NR1H3: variants seen among roughly 807,000 people sequenced by gnomAD.
NR1H3 encodes oxysterols receptor LXR-alpha.
NR1H3 carries 19 observed loss-of-function variants against 48.1 expected under a neutral mutation model. The ratio of observed to expected loss-of-function variants is 0.40; its 90% CI spans 0.28 to 0.58. The LOEUF (loss-of-function observed/expected upper bound fraction) is 0.58. NR1H3 is among the 20% of genes least tolerant of loss of function. NR1H3 has a pLI of 0.50. For missense variants in NR1H3, 486 were observed against 595.9 expected (o/e 0.82, Z 1.92); for synonymous variants, 232 against 227.3 (o/e 1.02, Z -0.19).
At chr11:47,249,917 C>A (rs1312440354) in intron 1 of NR1H3, among the ~76,000 whole-genome samples, 1 of 150,030 alleles carries the variant, frequency 6.7e-6, no homozygotes, top group Non-Finnish European at 1.5e-5. Flanking sequence ...CGTGGCGAAA[C>A]CCCGTCTCTA....
At chr11:47,255,617 CTTTCTTTCTTTCTT>C (rs750040571), upstream of NR1H3, among the ~76,000 whole-genome samples, 642 of 76,860 alleles carry the variant, frequency 8.4e-3, 5 homozygotes, top group South Asian at 0.013. Context: ...CTCTCTCTCT[CTTTCTTTCTTTCTT>C]TCTTTCTTTC....
chr11:47,255,581 CTTTCTTTCTT>C (rs752911941), upstream of NR1H3, among the ~76,000 whole-genome samples: 85 of 90,600 alleles, frequency 9.4e-4, no homozygotes, highest in East Asian at 2.7e-3. Context: ...TTCTTTCTTT[CTTTCTTTCTT>C]TCTTTCTCTC....
chr11:47,253,912 T>C (rs1481737390), upstream of NR1H3, among the ~76,000 whole-genome samples: 1 of 152,084 alleles, frequency 6.6e-6, no homozygotes, highest in African/African-American at 2.4e-5. Flanking sequence ...AGTGGGAACA[T>C]GATTCCAGCT....
At chr11:47,249,529 A>G (rs1178184907) in intron 1 of NR1H3, among the ~76,000 whole-genome samples, 1 of 152,220 alleles carries the variant, frequency 6.6e-6, no homozygotes, top group Non-Finnish European at 1.5e-5. Context: ...ACAAACCCAA[A>G]GCACTGAATC....
Position 47,268,880 on chromosome 11 carries a change from C to T in NR1H3, c.*184C>T. 1.5e-6 allele frequency: 1 copy of T among 674,956 alleles called. No individual in the cohort carries two copies. Among genetic ancestry groups the T allele is most frequent in the East Asian group, 2.8e-5 (1 of 35,940 alleles). The allele number at this position is 674,956 out of a possible 1,614,324, so 41.8% of individuals were successfully genotyped here. On this transcript the variant is annotated 3_prime_UTR_variant, in exon 10 of 10. Transcript: ENST00000441012. ...TGTGGCTACTGAGCAGTGGAGCCCT[C>T]GCTAACACTGTGCTGTGTCTGAAGA...
intron 7 of NR1H3, among the ~76,000 whole-genome samples, chr11:47,263,930 T>G (rs1956194855): frequency 6.6e-6 from 1 of 152,146 alleles, no homozygotes; most frequent in East Asian, 1.9e-4. Context: ...CAATTGCACT[T>G]TCTGACGAAC....
upstream of NR1H3, among the ~76,000 whole-genome samples, chr11:47,257,196 T>C (rs978676455): frequency 4.6e-5 from 7 of 151,942 alleles, no homozygotes; most frequent in African/African-American, 1.5e-4. Context: ...GGCAGCAGAG[T>C]AGGAAGAATG....
intron 7 of NR1H3, among the ~76,000 whole-genome samples, chr11:47,267,131 A>C (rs1956570807): frequency 6.6e-6 from 1 of 151,768 alleles, no homozygotes; most frequent in African/African-American, 2.4e-5. Flanking sequence ...ACATGGTGAA[A>C]TCCTGTCACA....
At chr11:47,253,207 G>C (rs556294180), upstream of NR1H3, among the ~76,000 whole-genome samples, 24 of 149,724 alleles carry the variant, frequency 1.6e-4, no homozygotes, top group Middle Eastern at 3.4e-3. Context: ...GGACTCAAGC[G>C]ATCTGCCCTT....
upstream of NR1H3, chr11:47,248,741 G>A (rs912704849): frequency 3.1e-6 from 5 of 1,609,388 alleles, no homozygotes; most frequent in East Asian, 4.5e-5. Flanking sequence ...ACGCCGAGAA[G>A]GAGCTGGAGG....
chr11:47,254,150 AC>A (rs1954884538), upstream of NR1H3, among the ~76,000 whole-genome samples: 1 of 151,782 alleles, frequency 6.6e-6, no homozygotes, highest in African/African-American at 2.4e-5. Context: ...TAGCCTGCCC[AC>A]CCCCACTCCC....
In NR1H3 at chr11:47,259,921, G is replaced by A; in HGVS notation, c.174G>A (p.Leu58=). ...HSAGGTAGVG[L]EAAEPTALLT... Reference sequence around the variant, plus strand: ...CTGGGGGTACTGCAGGGGTGGGGCTGGAGGCTGCAGAGCCCACAGCCCTGC... The same window carrying A: ...CTGGGGGTACTGCAGGGGTGGGGCTAGAGGCTGCAGAGCCCACAGCCCTGC... The change falls in exon 3 of 10, where the codon CTG becomes CTA. Residue 58 remains leucine, a synonymous_variant. Transcript: ENST00000441012. The A allele has an allele frequency of 3.7e-6, 6 of 1,606,860 alleles. 1 individual carries two copies. Among genetic ancestry groups the A allele is most frequent in the East Asian group, 2.2e-5 (1 of 44,814 alleles).
Position 47,268,372 on chromosome 11 carries a change from T to A in NR1H3, c.1197+17T>A. The A allele has an allele frequency of 6.2e-7, 1 of 1,611,094 alleles. No homozygotes were observed. The highest frequency in any genetic ancestry group is 8.5e-7 in the Non-Finnish European group (1 of 1,177,264). ...CATCCCCATGTGAGTCTCCCCATGG[T>A]GTTCCTTTTCCTCCTTCCCACACAC... On this transcript the variant is annotated intron_variant, in intron 9 of 9. Transcript: ENST00000441012.
chr11:47,259,757 T>C, intron 2 of NR1H3, 34 bp from the exon 3 acceptor site: 2 of 1,610,506 alleles, frequency 1.2e-6, no homozygotes, highest in Non-Finnish European at 1.7e-6. Flanking sequence ...GGATGGGGCC[T>C]GAGACCCCCT....
At chr11:47,259,382 T>C (rs1309211191) in intron 2 of NR1H3, 123 bp downstream of exon 2, 2 of 1,597,492 alleles carry the variant, frequency 1.3e-6, no homozygotes, top group East Asian at 2.3e-5. Context: ...GAGTCATTCT[T>C]AGTCGTGCTT....
rs749883565 is a variant in NR1H3 at position 47,261,392 on chromosome 11, C to T, written c.651C>T (p.Leu217=). ...AACAACTGGGCATGATCGAGAAGCT[C>T]GTCGCTGCCCAGCAACAGTGTAACC... ...SPEQLGMIEK[L]VAAQQQCNRR... The change falls in exon 5 of 10, where the codon CTC becomes CTT. Residue 217 remains leucine (L), a synonymous_variant. Coordinates refer to ENST00000441012, the MANE Select transcript of NR1H3 (RefSeq NM_005693.4). 20 of 1,614,038 alleles carry T rather than the reference C, an allele frequency of 1.2e-5. No individual in the cohort carries two copies. The highest frequency in any genetic ancestry group is 6.7e-5 in the African/African-American group (5 of 74,918).
intron 7 of NR1H3, among the ~76,000 whole-genome samples, chr11:47,265,826 C>G (rs1315404791): frequency 1.3e-5 from 2 of 152,208 alleles, no homozygotes; most frequent in African/African-American, 4.8e-5. Context: ...GAGCCGAGAT[C>G]ATGCAACTGC....
At chr11:47,251,194 A>C (rs1954628280) in intron 1 of NR1H3, among the ~76,000 whole-genome samples, 1 of 151,948 alleles carries the variant, frequency 6.6e-6, no homozygotes, top group African/African-American at 2.4e-5. Flanking sequence ...TTTTCAGTTA[A>C]ATAGTCTATA....
At position 47,259,813 on chromosome 11, in the gene NR1H3, G is replaced by A; in HGVS notation, c.66G>A (p.Lys22=). 6.2e-7 allele frequency: 1 copy of A among 1,612,216 alleles called. No homozygotes were observed. Among genetic ancestry groups the A allele is most frequent in the Non-Finnish European group, 8.5e-7 (1 of 1,179,914 alleles). ...CAGACTCTGCGGTGGAGCTGTGGAAGCCAGGCGCACAGGATGCAAGCAGCC... is the reference window on the plus strand; with the variant it reads ...CAGACTCTGCGGTGGAGCTGTGGAAACCAGGCGCACAGGATGCAAGCAGCC... The part of the protein sequence containing the change: ...IPPDSAVELW[K]PGAQDASSQA... Residue 22 remains lysine (K), a synonymous_variant, in exon 3 of 10, where the codon AAG becomes AAA. Transcript: ENST00000441012.
Sources: gnomAD v4.1 joint callset for allele counts (sites outside exome capture counted in the v4.1 genomes callset) on GRCh38, gnomAD v4.1.1 for gene constraint, MANE v1.5 for transcripts, NCBI Gene and HGNC (gene_info 2026-07-23, HGNC 2026-07-21) for gene names.